Variants in CFAP299 observed in about 807,000 individuals in gnomAD.
The protein encoded by CFAP299 is cilia- and flagella-associated protein 299.
A neutral mutation model predicts 27.0 loss-of-function variants in CFAP299; 21 were observed. That is an observed-to-expected ratio of 0.78 (90% CI 0.55 to 1.12). The LOEUF is 1.12. Ranked by LOEUF, CFAP299 falls within the 50% of genes most tolerant of loss-of-function variation. The pLI, the probability that CFAP299 is intolerant of heterozygous loss-of-function variation, is 0.00. For missense variants in CFAP299, 310 were observed against 276.6 expected, an observed-to-expected ratio of 1.12 and a Z score of -0.86; for synonymous variants, 104 against 98.1, an observed-to-expected ratio of 1.06 and a Z score of -0.36.
intron 2 of CFAP299, among the ~76,000 whole-genome samples, chr4:80,504,918 T>C (rs1377342908): frequency 1.3e-5 from 2 of 148,374 alleles, no homozygotes; most frequent in African/African-American, 4.9e-5. Context: ...TATATATTAA[T>C]TGATAAATGA....
intron 2 of CFAP299, among the ~76,000 whole-genome samples, chr4:80,366,685 T>G (rs986646803): frequency 1.3e-5 from 2 of 152,178 alleles, no homozygotes; most frequent in African/African-American, 4.8e-5. Flanking sequence ...AGAGTTACTA[T>G]ATGACCCAGC....
At chr4:80,483,620 A>G (rs1730674342) in intron 2 of CFAP299, among the ~76,000 whole-genome samples, 1 of 152,144 alleles carries the variant, frequency 6.6e-6, no homozygotes, top group African/African-American at 2.4e-5. Flanking sequence ...GAAAATATTT[A>G]AGAAAATTTC....
chr4:80,744,056 T>C (rs2110066280), intron 3 of CFAP299, among the ~76,000 whole-genome samples: 1 of 152,324 alleles, frequency 6.6e-6, no homozygotes, highest in Non-Finnish European at 1.5e-5. Context: ...TTAGATTATT[T>C]CATTTATCTT....
intron 3 of CFAP299, among the ~76,000 whole-genome samples, chr4:80,627,719 C>T (rs963047072): frequency 6.6e-6 from 1 of 151,548 alleles, no homozygotes; most frequent in Non-Finnish European, 1.5e-5. Flanking sequence ...TGAAAAAGAA[C>T]AAGAGAACCA....
chr4:80,808,750 G>T (rs1031383518), intron 3 of CFAP299, among the ~76,000 whole-genome samples: 5 of 152,080 alleles, frequency 3.3e-5, no homozygotes, highest in Non-Finnish European at 7.4e-5. Flanking sequence ...ATTCAGGACT[G>T]CATTCTTTTG....
chr4:80,325,732 G>A, the CFAP299 span, among the ~76,000 whole-genome samples: 1 of 152,124 alleles, frequency 6.6e-6, no homozygotes. Flanking sequence ...CATATATTCT[G>A]GAGGAAGACT....
intron 3 of CFAP299, among the ~76,000 whole-genome samples, chr4:80,587,960 C>T (rs949611582): frequency 3.3e-5 from 5 of 151,098 alleles, no homozygotes; most frequent in Middle Eastern, 6.8e-3. Context: ...TTAGTGCAAG[C>T]GATTTATTGA....
chr4:80,689,892 C>A (rs1006392187), intron 3 of CFAP299, among the ~76,000 whole-genome samples: 2 of 151,848 alleles, frequency 1.3e-5, no homozygotes, highest in Non-Finnish European at 2.9e-5. Flanking sequence ...GGGTTGCAAT[C>A]CTAGTCTCTG....
chr4:80,466,811 A>G (rs1283562865), intron 2 of CFAP299, among the ~76,000 whole-genome samples: 3 of 152,166 alleles, frequency 2.0e-5, no homozygotes, highest in African/African-American at 7.2e-5. Context: ...TGCTTTTGCA[A>G]TCTTGCATCA....
In CFAP299 at chr4:80,590,421, G is replaced by A. The variant is rs1002899014; in HGVS notation, c.333+7238G>A. ...TGGAAGGCCGAGATGGGCAGATCAC[G>A]AGGTCAGGAGTTCGAGACCAGCCTG... On this transcript the variant is annotated intron_variant, in intron 3 of 5. Transcript: ENST00000358105. Among the ~76,000 whole-genome samples, 3 of 152,216 alleles carry A rather than the reference G, an allele frequency of 2.0e-5. No individual in the cohort carries two copies. In the East Asian group the frequency reaches 5.8e-4, roughly 30 times the overall value.
At chr4:80,619,560 T>C (rs1738468243) in intron 3 of CFAP299, among the ~76,000 whole-genome samples, 1 of 152,126 alleles carries the variant, frequency 6.6e-6, no homozygotes, top group Non-Finnish European at 1.5e-5. Flanking sequence ...GCTTACATAT[T>C]ATATATCTAG....
At chr4:80,670,567 G>C (rs1274395264) in intron 3 of CFAP299, among the ~76,000 whole-genome samples, 1 of 152,170 alleles carries the variant, frequency 6.6e-6, no homozygotes, top group African/African-American at 2.4e-5. Flanking sequence ...TAGCCATGCT[G>C]TCTTCCACAA....
chr4:80,359,894 C>T (rs1326700818), intron 1 of CFAP299, among the ~76,000 whole-genome samples: 3 of 152,206 alleles, frequency 2.0e-5, no homozygotes, highest in Non-Finnish European at 2.9e-5. Flanking sequence ...GGAAAGAAGG[C>T]ACTCTGGCTT....
At chr4:80,340,961 A>G (rs1051054443) in intron 1 of CFAP299, among the ~76,000 whole-genome samples, 1 of 152,032 alleles carries the variant, frequency 6.6e-6, no homozygotes, top group Non-Finnish European at 1.5e-5. Context: ...TTTTTAGTAG[A>G]GACAGGGTTT....
intron 4 of CFAP299, among the ~76,000 whole-genome samples, chr4:80,878,656 G>T (rs1464446768): frequency 1.3e-5 from 2 of 152,044 alleles, no homozygotes; most frequent in East Asian, 1.9e-4. Flanking sequence ...TTACAAGAAA[G>T]TATATTAGTA....
intron 2 of CFAP299, among the ~76,000 whole-genome samples, chr4:80,512,648 A>G (rs140320722): frequency 0.015 from 2,224 of 152,186 alleles, 32 homozygotes; most frequent in South Asian, 0.077. Context: ...TCGCAGCTCT[A>G]TTTACCAGCT....
chr4:80,503,229 A>G (rs1031562123), intron 2 of CFAP299, among the ~76,000 whole-genome samples: 2 of 152,076 alleles, frequency 1.3e-5, no homozygotes, highest in Non-Finnish European at 2.9e-5. Context: ...TTTAATTTTT[A>G]TCTGATTTTT....
rs547885495 is a variant in CFAP299, at chr4:80,801,092, C to T, written c.334-68901C>T. Among the ~76,000 whole-genome samples the T allele has an allele frequency of 6.6e-5, 10 of 151,858 alleles. No individual in the cohort carries two copies. In the South Asian group the frequency reaches 1.2e-3, roughly 19 times the overall value. On this transcript the variant is annotated intron_variant, in intron 3 of 5. Coordinates refer to ENST00000358105, the MANE Select transcript of CFAP299 (RefSeq NM_152770.3). ...GCCCACTGACTCAAATGTTAATCTC[C>T]TTTGGCAACACCCTCACAGACACAC...
At chr4:80,686,725 T>C (rs557706226) in intron 3 of CFAP299, among the ~76,000 whole-genome samples, 1 of 152,310 alleles carries the variant, frequency 6.6e-6, no homozygotes, top group Non-Finnish European at 1.5e-5. Context: ...TTCTTGAGCG[T>C]AGATTTCTCT....
Sources: gnomAD v4.1 joint callset for allele counts (sites outside exome capture counted in the v4.1 genomes callset) on GRCh38, gnomAD v4.1.1 for gene constraint, MANE v1.5 for transcripts, NCBI Gene and HGNC (gene_info 2026-07-23, HGNC 2026-07-21) for gene names.